Variants in VSTM2B observed in about 807,000 individuals in gnomAD.
The protein encoded by VSTM2B is V-set and transmembrane domain containing 2B, also known as V-set and transmembrane domain-containing protein 2B.
VSTM2B carries 24 observed loss-of-function variants against 24.0 expected under a neutral mutation model. That is an observed-to-expected ratio of 1.00 (90% CI 0.72 to 1.40). The LOEUF is 1.40. Among genes scored for constraint, VSTM2B ranks in the 40% most tolerant of loss-of-function variants. The probability of loss-of-function intolerance (pLI) is 0.00; values close to 1 mark genes in which losing one functional copy is unlikely to be tolerated. For synonymous variants in VSTM2B, 226 were observed against 194.4 expected, an observed-to-expected ratio of 1.16 and a Z score of -1.35; for missense variants, 399 against 416.4, an observed-to-expected ratio of 0.96 and a Z score of 0.36.
intron 1 of VSTM2B, 141 bp from the exon 2 acceptor site, chr19:29,527,070 C>G: frequency 1.3e-6 from 1 of 751,990 alleles, no homozygotes; most frequent in Non-Finnish European, 2.1e-6. Context: ...ACTTTGCTAG[C>G]CCCTCCGGCC....
At chr19:29,535,586 G>A (rs1969868950) in intron 4 of VSTM2B, among the ~76,000 whole-genome samples, 1 of 152,208 alleles carries the variant, frequency 6.6e-6, no homozygotes, top group Non-Finnish European at 1.5e-5. Flanking sequence ...TGGCTGTAGA[G>A]AGGCTGTGGC....
chr19:29,554,339 GAAATA>G (rs1411401845), intron 4 of VSTM2B, among the ~76,000 whole-genome samples: 1 of 152,134 alleles, frequency 6.6e-6, no homozygotes, highest in Non-Finnish European at 1.5e-5. Flanking sequence ...AAGCGAAGAA[GAAATA>G]AAATCTTTTC....
intron 4 of VSTM2B, among the ~76,000 whole-genome samples, chr19:29,559,222 T>C (rs1225653809): frequency 6.6e-6 from 1 of 152,154 alleles, no homozygotes; most frequent in Non-Finnish European, 1.5e-5. Flanking sequence ...CAAATCCCCA[T>C]CAATGATAGG....
rs577104343 is a variant in VSTM2B at position 29,564,035 on chromosome 19, G to A, written c.*101G>A. ...GATGGACACAGAGAGACTGAGAGAC[G>A]CATGAAAAAGTCCACATGGAAAATA... On this transcript the variant is annotated 3_prime_UTR_variant, in exon 5 of 5. Transcript: ENST00000335523. 5.0e-5 allele frequency: 43 copies of A among 855,708 alleles called. No individual in the cohort carries two copies. The South Asian group carries it at 5.1e-4, about 10-fold the overall frequency. 53.0% of individuals were successfully genotyped at this position (855,708 alleles called of 1,614,324 possible).
chr19:29,529,725 GGGGTGCGCGGATGA>G, intron 3 of VSTM2B, 80 bp from the exon 4 acceptor site: 1 of 1,235,358 alleles, frequency 8.1e-7, no homozygotes, highest in Non-Finnish European at 1.1e-6. Context: ...GGGAAGTGTT[GGGGTGCGCGGATGA>G]GGGGGCGCGA....
In VSTM2B at chr19:29,529,258, T is replaced by C. The variant is rs113778002; in HGVS notation, c.298-561T>C. 7.9e-5 allele frequency among the ~76,000 whole-genome samples: 12 copies of C among 152,350 alleles called. 2 individuals are homozygous for C. The highest frequency in any genetic ancestry group is 2.9e-4 in the African/African-American group (12 of 41,580). On this transcript the variant is annotated intron_variant, in intron 3 of 4. Transcript: ENST00000335523. ...GGGAGCCAGGCAGCAGCCTCAGCGT[T>C]GCTTGCCTTCTTAAGAAAGCACAGT... is the stretch of plus-strand genomic sequence containing the variant.
At chr19:29,529,773 G>A in intron 3 of VSTM2B, 46 bp from the exon 4 acceptor site, 3 of 1,535,318 alleles carry the variant, frequency 2.0e-6, no homozygotes, top group Non-Finnish European at 2.6e-6. Flanking sequence ...CAGAAGAGTA[G>A]GTTTGGGAGC....
In VSTM2B at chr19:29,551,489, C is replaced by T. The variant is rs951185387; in HGVS notation, c.770-12357C>T. Among the ~76,000 whole-genome samples, 5 of 152,006 alleles carry T rather than the reference C, an allele frequency of 3.3e-5. No homozygotes were observed. In the East Asian group the frequency reaches 5.8e-4, roughly 18 times the overall value. On this transcript the variant is annotated intron_variant, in intron 4 of 4. Coordinates refer to ENST00000335523, the MANE Select transcript of VSTM2B (RefSeq NM_001146339.2). ...GGGGGCAGGGGGAAGTAGAGATGCC[C>T]GTTGTGTTCTTTGAGGGTCTCTTTC...
intron 4 of VSTM2B, among the ~76,000 whole-genome samples, chr19:29,546,676 A>C (rs57536232): frequency 0.12 from 12,571 of 107,118 alleles, 657 homozygotes; most frequent in African/African-American, 0.21. Flanking sequence ...GGGAGCCCCC[A>C]CCCCCACCCC....
intron 4 of VSTM2B, among the ~76,000 whole-genome samples, chr19:29,536,497 C>G: frequency 6.6e-6 from 1 of 152,182 alleles, no homozygotes; most frequent in East Asian, 1.9e-4. Flanking sequence ...CAGCAAGACC[C>G]TAAATTCAGG....
At chr19:29,527,700 G>T (rs1391141722) in intron 2 of VSTM2B, among the ~76,000 whole-genome samples, 1 of 152,164 alleles carries the variant, frequency 6.6e-6, no homozygotes, top group Non-Finnish European at 1.5e-5. Context: ...CCCTCTGATG[G>T]GTGCTGGGTA....
chr19:29,551,287 C>T (rs1568445542), intron 4 of VSTM2B, among the ~76,000 whole-genome samples: 1 of 152,228 alleles, frequency 6.6e-6, no homozygotes, highest in Non-Finnish European at 1.5e-5. Flanking sequence ...TTGGGTCAGA[C>T]GATGGCCTGG....
intron 4 of VSTM2B, among the ~76,000 whole-genome samples, chr19:29,554,519 C>A (rs567589169): frequency 6.6e-6 from 1 of 152,200 alleles, no homozygotes; most frequent in African/African-American, 2.4e-5. Context: ...AACAAGTCTG[C>A]AAAATAACCA....
chr19:29,547,456 G>T (rs1159578042), intron 4 of VSTM2B, among the ~76,000 whole-genome samples: 1 of 152,204 alleles, frequency 6.6e-6, no homozygotes, highest in Non-Finnish European at 1.5e-5. Context: ...TCCTAAAGGT[G>T]CTGGGTTCTG....
At chr19:29,530,713 G>T (rs1035944732) in intron 4 of VSTM2B, among the ~76,000 whole-genome samples, 1 of 152,194 alleles carries the variant, frequency 6.6e-6, no homozygotes, top group South Asian at 2.1e-4. Context: ...TGGAGAGCGG[G>T]AGGCGGTTAA....
rs1447731249 is a variant in VSTM2B, at chr19:29,529,934, A to G, written c.413A>G (p.Gln138Arg). The G allele has an allele frequency of 6.5e-7, 1 of 1,549,794 alleles. No homozygotes were observed. Among genetic ancestry groups the G allele is most frequent in the African/African-American group, 1.4e-5 (1 of 73,046 alleles). Reference sequence around the variant, plus strand: ...TCGGACTACAGCGACGACGACACGCAGGAGCACAAGGCCCAGGCGATGCTG... The same window carrying G: ...TCGGACTACAGCGACGACGACACGCGGGAGCACAAGGCCCAGGCGATGCTG... ...RVSDYSDDDT[Q>R]EHKAQAMLRV... The change falls in exon 4 of 5, where the codon CAG becomes CGG. Residue 138 changes from glutamine to arginine, a missense_variant. By Grantham distance (43) the Gln-to-Arg change is conservative (BLOSUM62 1). Transcript: ENST00000335523.
intron 4 of VSTM2B, among the ~76,000 whole-genome samples, chr19:29,562,824 C>A (rs1489066768): frequency 6.6e-6 from 1 of 152,056 alleles, no homozygotes; most frequent in African/African-American, 2.4e-5. Context: ...GGCGGGGGAC[C>A]AAGGCGAAGC....
chr19:29,537,701 C>T (rs1969922201), intron 4 of VSTM2B, among the ~76,000 whole-genome samples: 1 of 151,536 alleles, frequency 6.6e-6, no homozygotes, highest in Non-Finnish European at 1.5e-5. Context: ...CCACCCGCCC[C>T]CACACCCACC....
chr19:29,528,547 CGGCCGCGCATGTGG>C, intron 3 of VSTM2B, 85 bp downstream of exon 3: 2 of 1,513,528 alleles, frequency 1.3e-6, no homozygotes, highest in Non-Finnish European at 1.8e-6. Context: ...CAAGCCGCGG[CGGCCGCGCATGTGG>C]GGCCGCGCAA....
Sources: gnomAD v4.1 joint callset for allele counts (sites outside exome capture counted in the v4.1 genomes callset) on GRCh38, gnomAD v4.1.1 for gene constraint, MANE v1.5 for transcripts, NCBI Gene and HGNC (gene_info 2026-07-23, HGNC 2026-07-21) for gene names.